The following TMC5 variants were observed in gnomAD, a reference collection of about 807,000 sequenced individuals.
The protein encoded by TMC5 is transmembrane channel-like protein 5.
In TMC5, 86 loss-of-function variants were observed where a neutral mutation model predicts 110.5. The ratio of observed to expected loss-of-function variants is 0.78; its 90% CI spans 0.65 to 0.93. The LOEUF is 0.93. Among genes scored for constraint, TMC5 ranks in the 40% least tolerant of loss-of-function variants. The pLI is 0.00. For missense variants in TMC5, 1,144 were observed against 1,222.8 expected, an observed-to-expected ratio of 0.94 and a Z score of 0.96; for synonymous variants, 455 against 439.5, an observed-to-expected ratio of 1.04 and a Z score of -0.44.
At chr16:19,418,619 T>G (rs960536736) in intron 1 of TMC5, among the ~76,000 whole-genome samples, 2 of 152,138 alleles carry the variant, frequency 1.3e-5, no homozygotes, top group Non-Finnish European at 2.9e-5. Context: ...AAAAATCTAT[T>G]TACTTCTTTA....
chr16:19,419,401 G>GTTTTTTT (rs1382651777), intron 1 of TMC5, among the ~76,000 whole-genome samples: 1 of 91,154 alleles, frequency 1.1e-5, no homozygotes, highest in Non-Finnish European at 2.5e-5. Flanking sequence ...TGAATGTGTT[G>GTTTTTTT]GTTTTTTTTT....
At position 19,494,344 on chromosome 16, in the gene TMC5, T is replaced by C; in HGVS notation, c.2909T>C (p.Val970Ala). The C allele has an allele frequency of 6.2e-7, 1 of 1,613,790 alleles. No homozygotes were observed. The highest frequency in any genetic ancestry group is 8.5e-7 in the Non-Finnish European group (1 of 1,179,834). ...MEKKANPSSL[V>A]LERREVEQQG... ...AAGAAAGCAAACCCCAGCTCACTTGTTCTGGAAAGGAGAGAGGTGGAGGTG... is the reference window on the plus strand; with the variant it reads ...AAGAAAGCAAACCCCAGCTCACTTGCTCTGGAAAGGAGAGAGGTGGAGGTG... Residue 970 changes from valine (V) to alanine (A), a missense_variant, in exon 20 of 22, where the codon GTT becomes GCT. Val to Ala is a moderately conservative substitution (Grantham distance 64). Transcript: ENST00000542583.
chr16:19,472,350 C>A (rs1048637488), intron 11 of TMC5, 107 bp downstream of exon 11: 1 of 1,269,130 alleles, frequency 7.9e-7, no homozygotes, highest in Non-Finnish European at 1.1e-6. Context: ...CTATGGCCAG[C>A]AGCATCAGCA....
rs139803859 is a variant in TMC5, at chr16:19,461,965, A to G, written c.1149-1315A>G. Among the ~76,000 whole-genome samples, 1,182 of 152,260 alleles carry G rather than the reference A, an allele frequency of 7.8e-3. 15 individuals are homozygous for G. Among genetic ancestry groups the G allele is most frequent in the African/African-American group, 0.027 (1,127 of 41,546 alleles). ...CCCTGACTTTGCTGGGGAAAAATGG[A>G]GAGAGGGGGCATTTGAGCTGGGCCT... On this transcript the variant is annotated intron_variant, in intron 6 of 21. Transcript: ENST00000542583.
At chr16:19,481,016 G>T (rs1376024568) in intron 14 of TMC5, among the ~76,000 whole-genome samples, 1 of 151,988 alleles carries the variant, frequency 6.6e-6, no homozygotes, top group East Asian at 1.9e-4. Context: ...GAGTTGAGAG[G>T]TGCTGAGTTC....
intron 1 of TMC5, among the ~76,000 whole-genome samples, chr16:19,428,418 G>C (rs1419833728): frequency 6.6e-6 from 1 of 150,852 alleles, no homozygotes; most frequent in East Asian, 2.0e-4. Context: ...AAACGATTGC[G>C]CTGGCTTAGA....
intron 15 of TMC5, among the ~76,000 whole-genome samples, chr16:19,485,748 C>T (rs1335521242): frequency 6.6e-6 from 1 of 152,342 alleles, no homozygotes; most frequent in African/African-American, 2.4e-5. Context: ...TTTGCTAAGG[C>T]TCTCAGCCCG....
chr16:19,414,449 T>A (rs1316588318), upstream of TMC5, among the ~76,000 whole-genome samples: 1 of 152,216 alleles, frequency 6.6e-6, no homozygotes, highest in Non-Finnish European at 1.5e-5. Flanking sequence ...TGGAGTTTCA[T>A]GTGTGTTATT....
intron 17 of TMC5, among the ~76,000 whole-genome samples, chr16:19,487,545 T>C (rs1968778223): frequency 6.6e-6 from 1 of 151,836 alleles, no homozygotes; most frequent in African/African-American, 2.4e-5. Context: ...CTACTAAAAA[T>C]ACAAAAATTA....
At chr16:19,468,417 A>T (rs1479880859) in intron 9 of TMC5, among the ~76,000 whole-genome samples, 1 of 152,062 alleles carries the variant, frequency 6.6e-6, no homozygotes, top group Non-Finnish European at 1.5e-5. Context: ...TGCCTTCATC[A>T]AGTGCTTGCT....
At chr16:19,481,281 GGTCTCTTTTGTTGATTGTCCTA>G in intron 14 of TMC5, 67 bp from the exon 15 acceptor site, 1 of 911,432 alleles carries the variant, frequency 1.1e-6, no homozygotes, top group South Asian at 1.4e-5. Flanking sequence ...AGCTGGGGAG[GGTCTCTTTTGTTGATTGTCCTA>G]GTCTGTGGGG....
upstream of TMC5, among the ~76,000 whole-genome samples, chr16:19,416,723 A>G (rs1966878871): frequency 6.6e-6 from 1 of 152,216 alleles, no homozygotes; most frequent in South Asian, 2.1e-4. Flanking sequence ...CAGAAGGGAC[A>G]TGCCATTGGT....
intron 12 of TMC5, among the ~76,000 whole-genome samples, chr16:19,475,499 C>T (rs897294192): frequency 6.6e-6 from 1 of 152,150 alleles, no homozygotes; most frequent in African/African-American, 2.4e-5. Flanking sequence ...CCTTGCCTTA[C>T]CACGGTCTGT....
rs751894668 is a variant in TMC5, at chr16:19,440,693, T to C, written c.655T>C (p.Phe219Leu). 6.2e-7 allele frequency: 1 copy of C among 1,614,094 alleles called. No homozygotes were observed. Among genetic ancestry groups the C allele is most frequent in the Non-Finnish European group, 8.5e-7 (1 of 1,180,002 alleles). ...TGACATTCAACCTAACTCTCCACCC[T>C]TTTTTGGGGAGCCAGACTATCCCAG... ...GADIQPNSPP[F>L]FGEPDYPSAE... The change falls in exon 3 of 22, where the codon TTT (phenylalanine) becomes CTT (leucine). Residue 219 changes from phenylalanine to leucine, a missense_variant. Phe to Leu is a conservative substitution (Grantham distance 22). Transcript: ENST00000542583.
intron 19 of TMC5, 111 bp from the exon 20 acceptor site, chr16:19,494,151 G>A (rs1445274087): frequency 2.5e-6 from 2 of 801,122 alleles, no homozygotes; most frequent in African/African-American, 3.5e-5. Context: ...CAACTTCTAG[G>A]ATCCTAGCTG....
rs1968929285 is a variant in TMC5 at position 19,492,344 on chromosome 16, T to G, written c.2826+116T>G. On this transcript the variant is annotated intron_variant, in intron 19 of 21. Transcript: ENST00000542583. ...ACTCTCATATCCCTGCTCTCAGCCC[T>G]AACAACCATCAATGTTTTTATATTC... 4 of 561,050 alleles carry G rather than the reference T, an allele frequency of 7.1e-6. 1 individual carries two copies. The South Asian group carries it at 1.4e-4, about 19-fold the overall frequency. The allele number at this position is 561,050 out of a possible 1,614,324, so 34.8% of individuals were successfully genotyped here. A position where few individuals can be genotyped will look rare whatever the true frequency, so the allele number is the denominator to read the frequency against.
At chr16:19,465,874 A>G (rs562967807) in intron 8 of TMC5, among the ~76,000 whole-genome samples, 1 of 152,276 alleles carries the variant, frequency 6.6e-6, no homozygotes, top group South Asian at 2.1e-4. Flanking sequence ...CAATGTCTCC[A>G]TTGTAAAGTT....
At position 19,477,469 on chromosome 16, in the gene TMC5, G is replaced by T. The variant is rs778459658; in HGVS notation, c.2120G>T (p.Gly707Val). ...ATCTTTTTGAAAATATCAATCATTG[G>T]CATTCTTTGTTACTATTGGCTCAAC... is the stretch of plus-strand genomic sequence containing the variant. ...RNIFLKISII[G>V]ILCYYWLNTV... Residue 707 changes from glycine (G) to valine (V), a missense_variant, in exon 13 of 22, where the codon GGC (glycine) becomes GTC (valine). Coordinates refer to ENST00000542583, the MANE Select transcript of TMC5 (RefSeq NM_001261841.2). 2.5e-6 allele frequency: 4 copies of T among 1,612,388 alleles called. No homozygotes were observed. In the Admixed American group the frequency reaches 6.7e-5, roughly 27 times the overall value.
At chr16:19,434,462 C>A (rs897294636) in intron 2 of TMC5, among the ~76,000 whole-genome samples, 4 of 41,462 alleles carry the variant, frequency 9.6e-5, no homozygotes, top group Non-Finnish European at 9.1e-5. Flanking sequence ...ATATCTATAT[C>A]TATAGATAGA....
Sources: allele counts gnomAD v4.1 joint callset (sites outside exome capture counted in the v4.1 genomes callset), GRCh38; gene constraint gnomAD v4.1.1; transcripts MANE v1.5; gene names NCBI Gene and HGNC (gene_info 2026-07-23, HGNC 2026-07-21).